Variants in MB21D2 observed in about 807,000 individuals in gnomAD.
The protein encoded by MB21D2 is nucleotidyltransferase MB21D2.
Under a neutral mutation model 33.3 loss-of-function variants are expected in MB21D2, and 9 were observed. The ratio of observed to expected loss-of-function variants is 0.27; its 90% CI spans 0.16 to 0.47. The LOEUF is 0.47. Among genes scored for constraint, MB21D2 ranks in the 20% least tolerant of loss-of-function variants. The pLI is 0.99. For missense variants in MB21D2, 540 were observed against 624.6 expected (o/e 0.86, Z 1.44); for synonymous variants, 241 against 236.3 (o/e 1.02, Z -0.18).
At chr3:192,895,081 G>A (rs557609224) in intron 1 of MB21D2, among the ~76,000 whole-genome samples, 1 of 152,142 alleles carries the variant, frequency 6.6e-6, no homozygotes, top group Non-Finnish European at 1.5e-5. Context: ...CCTGGGTTGG[G>A]GGGGAGGGGG....
At chr3:192,901,279 C>G (rs1200426670) in intron 1 of MB21D2, among the ~76,000 whole-genome samples, 2 of 151,910 alleles carry the variant, frequency 1.3e-5, no homozygotes, top group African/African-American at 4.8e-5. Context: ...CCTGTTGAGA[C>G]TTTATTGCGG....
At chr3:192,842,777 G>A (rs1197833965) in intron 1 of MB21D2, among the ~76,000 whole-genome samples, 1 of 152,166 alleles carries the variant, frequency 6.6e-6, no homozygotes, top group East Asian at 1.9e-4. Flanking sequence ...CAGATCCAGG[G>A]ATTTTTTGGT....
At chr3:192,815,700 G>T (rs918993669) in intron 1 of MB21D2, among the ~76,000 whole-genome samples, 4 of 152,128 alleles carry the variant, frequency 2.6e-5, no homozygotes, top group African/African-American at 9.7e-5. Flanking sequence ...GATGTGACAG[G>T]TCTCATTCTG....
chr3:192,838,626 C>T (rs754847514), intron 1 of MB21D2, among the ~76,000 whole-genome samples: 14 of 152,004 alleles, frequency 9.2e-5, no homozygotes, highest in Non-Finnish European at 2.1e-4. Flanking sequence ...GATGGGGTTT[C>T]ACCGTGCCAG....
intron 1 of MB21D2, among the ~76,000 whole-genome samples, chr3:192,865,774 G>A (rs567425473): frequency 3.3e-5 from 5 of 152,030 alleles, no homozygotes; most frequent in African/African-American, 1.2e-4. Context: ...TTAAGAAGTT[G>A]CTGATCCCTG....
At chr3:192,915,817 C>A (rs1196042047) in intron 1 of MB21D2, among the ~76,000 whole-genome samples, 14 of 152,128 alleles carry the variant, frequency 9.2e-5, no homozygotes, top group Admixed American at 9.2e-4. Context: ...CCTACATTAT[C>A]CCATTTCCTG....
intron 1 of MB21D2, among the ~76,000 whole-genome samples, chr3:192,890,080 C>T (rs187927843): frequency 1.9e-4 from 29 of 152,170 alleles, no homozygotes; most frequent in African/African-American, 7.0e-4. Context: ...CCCAGAATAA[C>T]AGAAACAAGA....
intron 1 of MB21D2, among the ~76,000 whole-genome samples, chr3:192,897,320 T>G (rs1426127489): frequency 6.6e-6 from 1 of 152,156 alleles, no homozygotes; most frequent in East Asian, 1.9e-4. Context: ...AGACCCAGGT[T>G]TCCTGACTCC....
intron 1 of MB21D2, among the ~76,000 whole-genome samples, chr3:192,887,698 AT>A (rs897503860): frequency 8.5e-5 from 13 of 152,212 alleles, no homozygotes; most frequent in Non-Finnish European, 1.8e-4. Context: ...AACAAAAAAT[AT>A]TTTTTCCCTT....
At chr3:192,905,183 T>TG (rs1344795387) in intron 1 of MB21D2, among the ~76,000 whole-genome samples, 3 of 152,230 alleles carry the variant, frequency 2.0e-5, no homozygotes, top group Non-Finnish European at 4.4e-5. Flanking sequence ...ACAGGCAGAC[T>TG]TACAGTCTGC....
chr3:192,893,320 G>T (rs925114880), intron 1 of MB21D2, among the ~76,000 whole-genome samples: 1 of 152,092 alleles, frequency 6.6e-6, no homozygotes, highest in African/African-American at 2.4e-5. Flanking sequence ...CCCTCAAACC[G>T]ACCACCACTG....
intron 1 of MB21D2, among the ~76,000 whole-genome samples, chr3:192,861,182 T>A (rs1181152092): frequency 6.6e-6 from 1 of 152,174 alleles, no homozygotes; most frequent in East Asian, 1.9e-4. Context: ...AAACAAGAAG[T>A]GGAGCCAGGT....
chr3:192,902,629 G>C (rs1284775538), intron 1 of MB21D2, among the ~76,000 whole-genome samples: 1 of 152,132 alleles, frequency 6.6e-6, no homozygotes, highest in Non-Finnish European at 1.5e-5. Flanking sequence ...TAAAATGATG[G>C]GGTGGATGAG....
At chr3:192,865,617 G>A (rs1266162348) in intron 1 of MB21D2, among the ~76,000 whole-genome samples, 1 of 152,212 alleles carries the variant, frequency 6.6e-6, no homozygotes, top group African/African-American at 2.4e-5. Context: ...GATAAAGTGA[G>A]AATTGAAGCT....
At chr3:192,888,431 G>A (rs996945254) in intron 1 of MB21D2, among the ~76,000 whole-genome samples, 3 of 152,050 alleles carry the variant, frequency 2.0e-5, no homozygotes, top group Non-Finnish European at 2.9e-5. Flanking sequence ...ATTAAAGCAC[G>A]CGCGCTCCTA....
intron 1 of MB21D2, among the ~76,000 whole-genome samples, chr3:192,890,730 A>G (rs1713835139): frequency 1.3e-5 from 2 of 152,018 alleles, no homozygotes; most frequent in Admixed American, 1.3e-4. Flanking sequence ...AAACAAACAA[A>G]TTTCGGCAAA....
intron 1 of MB21D2, among the ~76,000 whole-genome samples, chr3:192,815,193 T>C (rs773481635): frequency 3.3e-5 from 5 of 152,198 alleles, no homozygotes; most frequent in African/African-American, 7.2e-5. Context: ...AATGAATAAA[T>C]TGGAGCTTAC....
chr3:192,849,603 A>G (rs1049184121), intron 1 of MB21D2, among the ~76,000 whole-genome samples: 1 of 152,144 alleles, frequency 6.6e-6, no homozygotes, highest in African/African-American at 2.4e-5. Context: ...GGCGTGAGAC[A>G]CCACACTCGG....
At chr3:192,884,788 T>C (rs35112656) in intron 1 of MB21D2, among the ~76,000 whole-genome samples, 11,732 of 152,120 alleles carry the variant, frequency 0.077, 604 homozygotes, top group African/African-American at 0.13. Flanking sequence ...CACGCCTGCC[T>C]TCCTCATGAC....
Sources: allele counts gnomAD v4.1 joint callset (sites outside exome capture counted in the v4.1 genomes callset), GRCh38; gene constraint gnomAD v4.1.1; transcripts MANE v1.5; gene names NCBI Gene and HGNC (gene_info 2026-07-23, HGNC 2026-07-21).